Variants in MAPK8IP2 observed in about 807,000 individuals in gnomAD.
The protein encoded by MAPK8IP2 is mitogen-activated protein kinase 8 interacting protein 2, also known as C-Jun-amino-terminal kinase-interacting protein 2.
Under a neutral mutation model 75.6 loss-of-function variants are expected in MAPK8IP2, and 15 were observed. The ratio of observed to expected loss-of-function variants is 0.20; its 90% confidence interval spans 0.13 to 0.31. The LOEUF is 0.31. MAPK8IP2 is among the 10% of genes least tolerant of loss of function. The probability of loss-of-function intolerance (pLI) is 1.00; values close to 1 mark genes in which losing one functional copy is unlikely to be tolerated. For missense variants in MAPK8IP2, 1,089 were observed against 1,211.2 expected, an observed-to-expected ratio of 0.90 and a Z score of 1.50; for synonymous variants, 632 against 554.5, an observed-to-expected ratio of 1.14 and a Z score of -1.96.
At chr22:50,602,828 A>G (rs1345379983) in intron 2 of MAPK8IP2, among the ~76,000 whole-genome samples, 3 of 152,242 alleles carry the variant, frequency 2.0e-5, no homozygotes, top group Non-Finnish European at 4.4e-5. Flanking sequence ...GCAACAGTGC[A>G]TAACATGGAC....
rs1160586819 is a variant in MAPK8IP2, at chr22:50,603,316, G to A, written c.265G>A (p.Glu89Lys). Residue 89 changes from glutamate to lysine, a missense_variant, in exon 3 of 12, where the codon GAG becomes AAG. Physicochemically the swap from Glu to Lys is moderately conservative, Grantham distance 56. This residue lies in a region of MAPK8IP2 where 960 missense variants were observed against 1,009.6 expected (regional missense o/e 0.95). Transcript: ENST00000329492. The part of the protein sequence containing the change: ...QEFEMIDDNE[E>K]EDDEDEEEEE... ...GTTTGAGATGATCGATGACAATGAAGAGGAGGACGATGAGGACGAGGAAGA... is the reference window on the plus strand; with the variant it reads ...GTTTGAGATGATCGATGACAATGAAAAGGAGGACGATGAGGACGAGGAAGA... The A allele has an allele frequency of 1.3e-6, 2 of 1,565,060 alleles. No individual in the cohort carries two copies. The highest frequency in any genetic ancestry group is 3.8e-5 in the Admixed American group (2 of 52,902).
At position 50,600,827 on chromosome 22, in the gene MAPK8IP2, T is replaced by G; in HGVS notation, c.9T>G (p.Asp3Glu). The G allele has an allele frequency of 7.7e-7, 1 of 1,293,860 alleles. No homozygotes were observed. 80.1% of individuals were successfully genotyped at this position (1,293,860 alleles called of 1,614,324 possible). ...GGCCTCTCCCGGAGAAGATGGCGGATCGCGCGGAGATGTTTTCTCTCTCCA... is the reference window on the plus strand; with the variant it reads ...GGCCTCTCCCGGAGAAGATGGCGGAGCGCGCGGAGATGTTTTCTCTCTCCA... MA[D>E]RAEMFSLSTF... The change falls in exon 1 of 12, where the codon GAT becomes GAG. Residue 3 changes from aspartate (D) to glutamate (E), a missense_variant. Physicochemically the swap from Asp to Glu is conservative, Grantham distance 45 (BLOSUM62 2). This residue lies in a region of MAPK8IP2 where 960 missense variants were observed against 1,009.6 expected (regional missense o/e 0.95). Transcript: ENST00000329492.
In MAPK8IP2 at chr22:50,604,967, C is replaced by A; in HGVS notation, c.1668C>A (p.Gly556=). 7 of 1,612,178 alleles carry A rather than the reference C, an allele frequency of 4.3e-6. No homozygotes were observed. The highest frequency in any genetic ancestry group is 5.9e-6 in the Non-Finnish European group (7 of 1,179,718). Reference sequence around the variant, plus strand: ...AGGCGGGCGCGGCGCTGCTAGGCGGCGGTCAGGTCTCGGGGGACACCTCGC... The same window carrying A: ...AGGCGGGCGCGGCGCTGCTAGGCGGAGGTCAGGTCTCGGGGGACACCTCGC... ...EEEAGAALLG[G]GQVSGDTSPD... Residue 556 remains glycine (G), a synonymous_variant, in exon 5 of 12, where the codon GGC becomes GGA. Transcript: ENST00000329492.
chr22:50,606,653 T>C lies in MAPK8IP2; in HGVS notation c.2125-5T>C. 6.3e-7 allele frequency: 1 copy of C among 1,586,656 alleles called. No individual in the cohort carries two copies. Among genetic ancestry groups the C allele is most frequent in the Admixed American group, 1.8e-5 (1 of 56,334 alleles). On this transcript the variant is annotated splice_region_variant and splice_polypyrimidine_tract_variant and intron_variant, in intron 8 of 11. Coordinates refer to ENST00000329492, the MANE Select transcript of MAPK8IP2 (RefSeq NM_012324.6). ...GACCCTCTTCTCCCCCAACTTCTTC[T>C]GTAGATTGCCACTGCCCGGAAACTG...
At chr22:50,602,996 A>G (rs1016225520) in intron 2 of MAPK8IP2, 16 of 846,050 alleles carry the variant, frequency 1.9e-5, no homozygotes, top group Non-Finnish European at 2.8e-5. Flanking sequence ...CTGCTCTGAG[A>G]ATCCCTGTCA....
chr22:50,603,842 G>A lies in MAPK8IP2; in HGVS notation c.543G>A (p.Glu181=), dbSNP rs2070985327. ...LCSPAPEALR[E]LPGPLPATDT... ...TGACCCCACCTCCCTGCCCAGCAGA[G>A]CTCCCGGGCCCCCTCCCTGCCACGG... is the stretch of plus-strand genomic sequence containing the variant. Residue 181 remains glutamate, a splice_region_variant and synonymous_variant, in exon 5 of 12, where the codon GAG becomes GAA. Coordinates refer to ENST00000329492, the MANE Select transcript of MAPK8IP2 (RefSeq NM_012324.6). 5 of 1,526,664 alleles carry A rather than the reference G, an allele frequency of 3.3e-6. No individual in the cohort carries two copies. The highest frequency in any genetic ancestry group is 4.4e-6 in the Non-Finnish European group (5 of 1,137,614). 94.6% of individuals were successfully genotyped at this position (1,526,664 alleles called of 1,614,324 possible).
At chr22:50,606,073 G>A (rs2071044563) in intron 8 of MAPK8IP2, 139 bp downstream of exon 8, 5 of 734,632 alleles carry the variant, frequency 6.8e-6, no homozygotes, top group Non-Finnish European at 1.1e-5. Flanking sequence ...TGCTGCAGGG[G>A]GAGCTCGGGG....
At position 50,604,125 on chromosome 22, in the gene MAPK8IP2, C is replaced by T. The variant is rs867521624; in HGVS notation, c.826C>T (p.Leu276=). ...RMISSISETE[L]ELSSDGGSSS... ...GATCTCGTCCATCTCGGAGACGGAG[C>T]TGGAGCTGAGCAGCGATGGCGGAAG... is the stretch of plus-strand genomic sequence containing the variant. Residue 276 remains leucine, a synonymous_variant, in exon 5 of 12, where the codon CTG becomes TTG. Transcript: ENST00000329492. 2 of 1,555,728 alleles carry T rather than the reference C, an allele frequency of 1.3e-6. No homozygotes were observed. The highest frequency in any genetic ancestry group is 1.7e-6 in the Non-Finnish European group (2 of 1,159,668).
Position 50,606,640 on chromosome 22 carries a change from C to T in MAPK8IP2, c.2125-18C>T. On this transcript the variant is annotated intron_variant, in intron 8 of 11. Transcript: ENST00000329492. Reference sequence around the variant, plus strand: ...GTGGGCTCCTCAAGACCCTCTTCTCCCCCAACTTCTTCTGTAGATTGCCAC... The same window carrying T: ...GTGGGCTCCTCAAGACCCTCTTCTCTCCCAACTTCTTCTGTAGATTGCCAC... 4 of 1,565,756 alleles carry T rather than the reference C, an allele frequency of 2.6e-6. No homozygotes were observed. The South Asian group carries it at 3.5e-5, about 14-fold the overall frequency.
chr22:50,600,798 C>A lies in MAPK8IP2; in HGVS notation c.-21C>A. ...AGGCTCCCGCACCCCCCGCCGCAGT[C>A]GCGGGCCTCTCCCGGAGAAGATGGC... On this transcript the variant is annotated 5_prime_UTR_variant, in exon 1 of 12. Coordinates refer to ENST00000329492, the MANE Select transcript of MAPK8IP2 (RefSeq NM_012324.6). 1 of 1,241,186 alleles carries A rather than the reference C, an allele frequency of 8.1e-7. No homozygotes were observed. Among genetic ancestry groups the A allele is most frequent in the East Asian group, 6.3e-5 (1 of 15,944 alleles). The allele number at this position is 1,241,186 out of a possible 1,614,324, so 76.9% of individuals were successfully genotyped here. A position where few individuals can be genotyped will look rare whatever the true frequency, so the allele number is the denominator to read the frequency against.
At position 50,604,706 on chromosome 22, in the gene MAPK8IP2, G is replaced by A; in HGVS notation, c.1407G>A (p.Glu469=). The A allele has an allele frequency of 6.5e-7, 1 of 1,527,120 alleles. No individual in the cohort carries two copies. The highest frequency in any genetic ancestry group is 2.5e-5 in the East Asian group (1 of 40,546). 94.6% of individuals were successfully genotyped at this position (1,527,120 alleles called of 1,614,324 possible). A position where few individuals can be genotyped will look rare whatever the true frequency, so the allele number is the denominator to read the frequency against. Reference sequence around the variant, plus strand: ...GAGCCTGCTCCGCCGCCTGCTCCGAGGAGGAGGACGAAGAGGACGACGAGG... The same window carrying A: ...GAGCCTGCTCCGCCGCCTGCTCCGAAGAGGAGGACGAAGAGGACGACGAGG... The part of the protein sequence containing the change: ...PGRACSAACS[E]EEDEEDDEEE... Residue 469 remains glutamate (E), a synonymous_variant, in exon 5 of 12, where the codon GAG becomes GAA. Transcript: ENST00000329492.
intron 5 of MAPK8IP2, 106 bp downstream of exon 5, chr22:50,605,170 C>T (rs1057119178): frequency 6.5e-6 from 9 of 1,388,736 alleles, no homozygotes; most frequent in Non-Finnish European, 9.0e-6. Flanking sequence ...GAGGGTCTGG[C>T]TGTGGTCAGG....
chr22:50,610,829 C>A lies in MAPK8IP2; in HGVS notation c.*50C>A. ...CCGTCTGCTCCAGGCGCAGCTGGGG[C>A]TGAGGATGTCTCAAGAGGCCACCAT... On this transcript the variant is annotated 3_prime_UTR_variant, in exon 12 of 12. Transcript: ENST00000329492. This position sits in a 1 kb window ranked among gnomAD's most constrained non-coding sequence, Gnocchi z 4.3. The A allele has an allele frequency of 6.7e-7, 1 of 1,495,140 alleles. No individual in the cohort carries two copies. The highest frequency in any genetic ancestry group is 1.2e-5 in the South Asian group (1 of 82,890). The allele number at this position is 1,495,140 out of a possible 1,614,324, so 92.6% of individuals were successfully genotyped here. A position where few individuals can be genotyped will look rare whatever the true frequency, so the allele number is the denominator to read the frequency against.
intron 2 of MAPK8IP2, among the ~76,000 whole-genome samples, chr22:50,602,117 C>T (rs131737): frequency 0.6 from 90,507 of 152,046 alleles, 28,442 homozygotes; most frequent in East Asian, 0.83. Flanking sequence ...GCATTCTCCC[C>T]GACCCCATCG....
At chr22:50,605,500 A>T in intron 6 of MAPK8IP2, 57 bp downstream of exon 6, 1 of 1,604,922 alleles carries the variant, frequency 6.2e-7, no homozygotes, top group Middle Eastern at 1.7e-4. Flanking sequence ...CCATCACGGA[A>T]CGCCAGTGGA....
intron 10 of MAPK8IP2, among the ~76,000 whole-genome samples, chr22:50,608,761 CGGG>C (rs2071094595): frequency 7.5e-6 from 1 of 133,960 alleles, no homozygotes; most frequent in Non-Finnish European, 1.6e-5. Context: ...CTGGGGTCAC[CGGG>C]ACAGCGGACG....
In MAPK8IP2 at chr22:50,610,149, T is replaced by G; in HGVS notation, c.2304-63T>G. Reference sequence around the variant, plus strand: ...GTTCCTGCCTCTTCTCTCTACATCATTTGTGGGGTGGCCAAGGCTGGGCCA... The same window carrying G: ...GTTCCTGCCTCTTCTCTCTACATCAGTTGTGGGGTGGCCAAGGCTGGGCCA... On this transcript the variant is annotated intron_variant, in intron 10 of 11. Coordinates refer to ENST00000329492, the MANE Select transcript of MAPK8IP2 (RefSeq NM_012324.6). This position sits in a 1 kb window ranked among gnomAD's most constrained non-coding sequence, Gnocchi z 4.3. 4.9e-6 allele frequency: 6 copies of G among 1,230,822 alleles called. No individual in the cohort carries two copies. The highest frequency in any genetic ancestry group is 7.0e-6 in the Non-Finnish European group (6 of 853,164). 76.2% of individuals were successfully genotyped at this position (1,230,822 alleles called of 1,614,324 possible).
At chr22:50,605,958 G>A (rs755346818) in intron 8 of MAPK8IP2, 24 bp downstream of exon 8, 1 of 1,531,226 alleles carries the variant, frequency 6.5e-7, no homozygotes, top group African/African-American at 1.4e-5. Context: ...CCGGGCAAGT[G>A]CAGGCTGAGG....
chr22:50,607,933 G>A lies in MAPK8IP2; in HGVS notation c.2303+942G>A, dbSNP rs530994288. Reference sequence around the variant, plus strand: ...GGCTGCCAGCTTCCCTCCAGGCACAGGCCCCTGCCCTCTGTGTCCCAGCAC... The same window carrying A: ...GGCTGCCAGCTTCCCTCCAGGCACAAGCCCCTGCCCTCTGTGTCCCAGCAC... On this transcript the variant is annotated intron_variant, in intron 10 of 11. Transcript: ENST00000329492. This position sits in a 1 kb window ranked among gnomAD's most constrained non-coding sequence, Gnocchi z 5.6. Among the ~76,000 whole-genome samples, 9 of 152,272 alleles carry A rather than the reference G, an allele frequency of 5.9e-5. No individual in the cohort carries two copies. In the South Asian group the frequency reaches 1.7e-3, roughly 28 times the overall value.
Sources: gnomAD v4.1 joint callset for allele counts (sites outside exome capture counted in the v4.1 genomes callset) on GRCh38, gnomAD v4.1.1 for gene constraint, gnomAD v4.1.1 regional missense constraint, Gnocchi (gnomAD v3.1) non-coding constraint, MANE v1.5 for transcripts, NCBI Gene and HGNC (gene_info 2026-07-23, HGNC 2026-07-21) for gene names.